The following ABCG1 variants were observed in gnomAD, a reference collection of about 807,000 sequenced individuals.
ABCG1 encodes the protein ATP-binding cassette sub-family G member 1.
In ABCG1, 29 loss-of-function variants were observed where a neutral mutation model predicts 69.2. That is an observed-to-expected ratio of 0.42 (90% CI 0.31 to 0.57). The LOEUF is 0.57. Among genes scored for constraint, ABCG1 ranks in the 20% least tolerant of loss-of-function variants. The pLI, the probability that ABCG1 is intolerant of heterozygous loss-of-function variation, is 0.15. For synonymous variants in ABCG1, 370 were observed against 374.8 expected, an observed-to-expected ratio of 0.99 and a Z score of 0.15; for missense variants, 718 against 898.1, an observed-to-expected ratio of 0.80 and a Z score of 2.56.
At chr21:42,254,748 A>T (rs946063282) in intron 2 of ABCG1, among the ~76,000 whole-genome samples, 4 of 152,220 alleles carry the variant, frequency 2.6e-5, no homozygotes, top group African/African-American at 7.2e-5. Context: ...TTCTGCCTTG[A>T]GCTTTCTCTT....
At chr21:42,290,663 C>A (rs769651571) in intron 11 of ABCG1, among the ~76,000 whole-genome samples, 1 of 152,192 alleles carries the variant, frequency 6.6e-6, no homozygotes, top group African/African-American at 2.4e-5. Context: ...GTGAACACAG[C>A]GGCTGCTTCT....
At position 42,219,249 on chromosome 21, in the gene ABCG1, G is replaced by C. The variant is rs1158693640; in HGVS notation, c.-14G>C. 6.5e-7 allele frequency: 1 copy of C among 1,527,922 alleles called. No homozygotes were observed. Among genetic ancestry groups the C allele is most frequent in the Non-Finnish European group, 8.7e-7 (1 of 1,145,352 alleles). 94.6% of individuals were successfully genotyped at this position (1,527,922 alleles called of 1,614,324 possible). A position where few individuals can be genotyped will look rare whatever the true frequency, so the allele number is the denominator to read the frequency against. On this transcript the variant is annotated 5_prime_UTR_variant, in exon 1 of 15. Coordinates refer to ENST00000398449, the MANE Select transcript of ABCG1 (RefSeq NM_016818.3). This position sits in a 1 kb window ranked among gnomAD's most constrained non-coding sequence, Gnocchi z 5.3. ...CGCCGCCGCCGCCGCCGCCGCCGCC[G>C]CCGCCCCCGGGGCATGGCCTGTCTG...
At chr21:42,234,026 T>G (rs2067939480) in intron 2 of ABCG1, among the ~76,000 whole-genome samples, 1 of 152,228 alleles carries the variant, frequency 6.6e-6, no homozygotes. Context: ...GAGAAGTGTT[T>G]TTTTTTGTTG....
At chr21:42,223,130 C>T (rs764177730) in intron 1 of ABCG1, among the ~76,000 whole-genome samples, 2 of 152,226 alleles carry the variant, frequency 1.3e-5, no homozygotes, top group African/African-American at 4.8e-5. Flanking sequence ...AAGCCCCCTA[C>T]TCTCCTGCCC....
intron 2 of ABCG1, chr21:42,260,234 T>C: frequency 6.5e-7 from 1 of 1,532,326 alleles, no homozygotes; most frequent in Non-Finnish European, 8.8e-7. Flanking sequence ...CAGGTGGCAT[T>C]GGGCGGCAAG....
intron 7 of ABCG1, among the ~76,000 whole-genome samples, chr21:42,285,616 G>A (rs938489869): frequency 6.6e-6 from 1 of 152,150 alleles, no homozygotes; most frequent in African/African-American, 2.4e-5. Context: ...TTTCTGAGCA[G>A]GGGGTTAGCA....
intron 2 of ABCG1, among the ~76,000 whole-genome samples, chr21:42,210,856 G>A (rs1289870286): frequency 1.3e-5 from 2 of 152,202 alleles, no homozygotes; most frequent in Admixed American, 1.3e-4. Flanking sequence ...CAGAGGAAGC[G>A]AAGGAGCGTA....
chr21:42,238,143 AGTATTAGCTTG>A, intron 2 of ABCG1, among the ~76,000 whole-genome samples: 1 of 152,174 alleles, frequency 6.6e-6, no homozygotes, highest in South Asian at 2.1e-4. Flanking sequence ...TAATAATAAT[AGTATTAGCTTG>A]GTATTTATTA....
chr21:42,219,945 G>GAA lies in ABCG1; in HGVS notation c.42+641_42+642insAA, dbSNP rs779711140. ...TGCCGGCCGCCTTTCTGCGCGCGCC[G>GAA]GAGAGAGAGACGCGGTGGGGACAGG... is the stretch of plus-strand genomic sequence containing the variant. On this transcript the variant is annotated intron_variant, in intron 1 of 14. Coordinates refer to ENST00000398449, the MANE Select transcript of ABCG1 (RefSeq NM_016818.3). The surrounding 1 kb of genome is among the most constrained non-coding windows in gnomAD (Gnocchi z 5.3). 2 of 1,551,252 alleles carry GAA rather than the reference G, an allele frequency of 1.3e-6. No homozygotes were observed. Among genetic ancestry groups the GAA allele is most frequent in the South Asian group, 2.4e-5 (2 of 84,046 alleles).
intron 2 of ABCG1, among the ~76,000 whole-genome samples, chr21:42,208,795 T>C (rs554189592): frequency 6.6e-6 from 1 of 152,366 alleles, no homozygotes; most frequent in South Asian, 2.1e-4. Flanking sequence ...GTCATGTCTT[T>C]TTTTCTTTTT....
chr21:42,290,404 A>G (rs1016327785), intron 11 of ABCG1, among the ~76,000 whole-genome samples, 186 bp downstream of exon 11: 3 of 152,224 alleles, frequency 2.0e-5, no homozygotes, highest in African/African-American at 4.8e-5. Context: ...AGAAAATACA[A>G]TACTTAAGCC....
intron 2 of ABCG1, among the ~76,000 whole-genome samples, chr21:42,208,051 G>A (rs2067557087): frequency 6.6e-6 from 1 of 152,162 alleles, no homozygotes; most frequent in Admixed American, 6.5e-5. Flanking sequence ...AGCCTGAGGA[G>A]GGTGGAAATC....
chr21:42,295,377 A>AAAAAAAAAAAAAAAAAAAAT (rs2069187768), intron 14 of ABCG1: 1 of 119,662 alleles, frequency 8.4e-6, no homozygotes, highest in Non-Finnish European at 1.8e-5. Flanking sequence ...AAAAAAAAAA[A>AAAAAAAAAAAAAAAAAAAAT]GGAAAGAAAT....
chr21:42,258,627 C>T (rs546819592), intron 2 of ABCG1, among the ~76,000 whole-genome samples: 1 of 151,556 alleles, frequency 6.6e-6, no homozygotes, highest in South Asian at 2.1e-4. Context: ...TCCACTCTAT[C>T]AGCCTCTCCA....
chr21:42,203,130 T>C (rs2067519693), intron 2 of ABCG1, among the ~76,000 whole-genome samples: 1 of 152,212 alleles, frequency 6.6e-6, no homozygotes. Context: ...AATTTTCTTA[T>C]ACAAAAGTTA....
At chr21:42,246,591 G>A (rs9974658) in intron 2 of ABCG1, among the ~76,000 whole-genome samples, 13,919 of 152,098 alleles carry the variant, frequency 0.092, 1,084 homozygotes, top group African/African-American at 0.21. Context: ...ATACAATGGC[G>A]TATGTGTATA....
At chr21:42,214,512 G>A (rs1255462064), upstream of ABCG1, among the ~76,000 whole-genome samples, 3 of 152,246 alleles carry the variant, frequency 2.0e-5, no homozygotes, top group Non-Finnish European at 4.4e-5. Context: ...CCAGAAGGGA[G>A]ATCTCCAGGC....
At position 42,285,959 on chromosome 21, in the gene ABCG1, T is replaced by A. The variant is rs1375880527; in HGVS notation, c.938T>A (p.Leu313Gln). 1 of 1,614,090 alleles carries A rather than the reference T, an allele frequency of 6.2e-7. No homozygotes were observed. Among genetic ancestry groups the A allele is most frequent in the Non-Finnish European group, 8.5e-7 (1 of 1,179,968 alleles). Reference sequence around the variant, plus strand: ...GTGCCATATTTGAGGGATTTGGGTCTGAACTGCCCAACCTACCACAACCCA... The same window carrying A: ...GTGCCATATTTGAGGGATTTGGGTCAGAACTGCCCAACCTACCACAACCCA... Reference protein sequence around the residue: ...NLVPYLRDLGLNCPTYHNPAD... With the variant: ...NLVPYLRDLGQNCPTYHNPAD... The change falls in exon 8 of 15, where the codon CTG becomes CAG. Residue 313 changes from leucine (L) to glutamine (Q), a missense_variant. Physicochemically the swap from Leu to Gln is moderately radical, Grantham distance 113 (BLOSUM62 -2). Coordinates refer to ENST00000398449, the MANE Select transcript of ABCG1 (RefSeq NM_016818.3).
intron 2 of ABCG1, among the ~76,000 whole-genome samples, chr21:42,229,779 C>T (rs2067874758): frequency 6.6e-6 from 1 of 152,052 alleles, no homozygotes; most frequent in African/African-American, 2.4e-5. Context: ...CCATGGTTCA[C>T]AGTAGGGCAA....
Sources: allele counts gnomAD v4.1 joint callset (sites outside exome capture counted in the v4.1 genomes callset), GRCh38; gene constraint gnomAD v4.1.1; non-coding constraint Gnocchi (gnomAD v3.1); transcripts MANE v1.5; gene names NCBI Gene and HGNC (gene_info 2026-07-23, HGNC 2026-07-21).